SESN1: variants seen among roughly 807,000 people sequenced by gnomAD.
SESN1 encodes sestrin 1, also known as sestrin-1.
Under a neutral mutation model 59.3 loss-of-function variants are expected in SESN1, and 30 were observed. The ratio of observed to expected loss-of-function variants is 0.51; its 90% CI spans 0.38 to 0.69. The LOEUF (loss-of-function observed/expected upper bound fraction) is 0.69. SESN1 is among the 30% of genes least tolerant of loss of function. The pLI, the probability that SESN1 is intolerant of heterozygous loss-of-function variation, is 0.00. For missense variants in SESN1, 566 were observed against 673.0 expected (o/e 0.84, Z 1.76); for synonymous variants, 197 against 219.9 (o/e 0.90, Z 0.92).
intron 1 of SESN1, among the ~76,000 whole-genome samples, chr6:109,071,689 T>C (rs1462955968): frequency 6.6e-6 from 1 of 152,110 alleles, no homozygotes; most frequent in Non-Finnish European, 1.5e-5. Flanking sequence ...AAGACCAGCA[T>C]CATAAGAAAC....
At chr6:109,018,280 A>G (rs1260732) in intron 1 of SESN1, among the ~76,000 whole-genome samples, 152,081 of 152,344 alleles carry the variant, frequency 1, 75,910 homozygotes, top group Middle Eastern at 1. Context: ...ACAATTTGTT[A>G]CCAGTAATAA....
rs1779625706 is a variant in SESN1, at chr6:109,001,536, T to G, written c.346-48A>C. 3 of 1,532,138 alleles carry G rather than the reference T, an allele frequency of 2.0e-6. No homozygotes were observed. In the South Asian group the frequency reaches 3.4e-5, roughly 18 times the overall value. The allele number at this position is 1,532,138 out of a possible 1,614,324, so 94.9% of individuals were successfully genotyped here. A position where few individuals can be genotyped will look rare whatever the true frequency, so the allele number is the denominator to read the frequency against. On this transcript the variant is annotated intron_variant, in intron 2 of 9. Transcript: ENST00000436639. ...GGTTACTGAAATGGTAAATTGGTGT[T>G]AAGGGAAGAAAATATACATGCGCTA...
intron 1 of SESN1, among the ~76,000 whole-genome samples, chr6:109,089,710 C>G (rs535422559): frequency 1.3e-5 from 2 of 152,178 alleles, no homozygotes; most frequent in African/African-American, 4.8e-5. Flanking sequence ...AACTTTAGAG[C>G]CATGCTTAAT....
At chr6:109,089,240 G>GA (rs1217607076) in intron 1 of SESN1, among the ~76,000 whole-genome samples, 1 of 152,166 alleles carries the variant, frequency 6.6e-6, no homozygotes, top group Non-Finnish European at 1.5e-5. Context: ...ATGAATAACA[G>GA]AAAGCATTAT....
intron 1 of SESN1, among the ~76,000 whole-genome samples, chr6:109,074,021 G>A (rs1454714422): frequency 6.6e-6 from 1 of 152,104 alleles, no homozygotes; most frequent in Non-Finnish European, 1.5e-5. Flanking sequence ...ATATACTATG[G>A]TCATCCCATA....
intron 5 of SESN1, among the ~76,000 whole-genome samples, chr6:108,996,794 T>C (rs1779510024): frequency 6.6e-6 from 1 of 152,138 alleles, no homozygotes; most frequent in Non-Finnish European, 1.5e-5. Context: ...ACCAATGTGT[T>C]CTTCAGTAGC....
At chr6:109,051,601 C>T (rs766274098) in intron 1 of SESN1, among the ~76,000 whole-genome samples, 2 of 152,222 alleles carry the variant, frequency 1.3e-5, no homozygotes, top group East Asian at 1.9e-4. Context: ...AAATTGTGGT[C>T]ACTGGTTTTC....
chr6:109,005,451 C>T (rs1331099823), intron 1 of SESN1, among the ~76,000 whole-genome samples: 3 of 152,000 alleles, frequency 2.0e-5, no homozygotes, highest in Admixed American at 1.3e-4. Context: ...AAAAATGTGG[C>T]CAGATTGACA....
At chr6:109,071,845 C>G (rs1203550568) in intron 1 of SESN1, among the ~76,000 whole-genome samples, 1 of 152,160 alleles carries the variant, frequency 6.6e-6, no homozygotes, top group African/African-American at 2.4e-5. Context: ...CAATTTTTCT[C>G]TAAAGTTTAA....
In SESN1 at chr6:109,009,583, A is replaced by T; in HGVS notation, c.280-7240T>A. On this transcript the variant is annotated intron_variant, in intron 1 of 9. Transcript: ENST00000436639. ...GGGGGCGGGGCGGCGCCGACAAACA[A>T]GCCGCGCGGCCCCGCCCCGCGCCCG... The T allele has an allele frequency of 4.7e-6, 5 of 1,070,872 alleles. No individual in the cohort carries two copies. The South Asian group carries it at 1.8e-4, about 39-fold the overall frequency. The allele number at this position is 1,070,872 out of a possible 1,614,324, so 66.3% of individuals were successfully genotyped here. A position where few individuals can be genotyped will look rare whatever the true frequency, so the allele number is the denominator to read the frequency against.
Position 109,068,870 on chromosome 6 carries a change from A to G in SESN1, c.279+24925T>C, listed in dbSNP as rs181594501. Among the ~76,000 whole-genome samples the G allele has an allele frequency of 7.8e-3, 1,188 of 151,828 alleles. 20 individuals are homozygous for G. Among genetic ancestry groups the G allele is most frequent in the African/African-American group, 0.028 (1,138 of 41,380 alleles). Reference sequence around the variant, plus strand: ...CAAGTAGCTGGGATTACAGGCACCTACCACCATGCCTAGCTAATTTTTTGT... The same window carrying G: ...CAAGTAGCTGGGATTACAGGCACCTGCCACCATGCCTAGCTAATTTTTTGT... On this transcript the variant is annotated intron_variant, in intron 1 of 9. Coordinates refer to ENST00000436639, the MANE Select transcript of SESN1 (RefSeq NM_014454.3).
At chr6:109,011,161 G>C (rs1177118376) in intron 1 of SESN1, among the ~76,000 whole-genome samples, 1 of 152,166 alleles carries the variant, frequency 6.6e-6, no homozygotes, top group African/African-American at 2.4e-5. Context: ...TGAGAGGCAA[G>C]GGAAAAGCAT....
intron 1 of SESN1, among the ~76,000 whole-genome samples, chr6:109,032,475 AG>A: frequency 6.6e-6 from 1 of 151,162 alleles, no homozygotes; most frequent in South Asian, 2.1e-4. Context: ...AAAATTAGCC[AG>A]GTGTGATGGT....
intron 5 of SESN1, 87 bp from the exon 6 acceptor site, chr6:108,994,696 ATCTTTTT>A: frequency 1.6e-6 from 1 of 628,526 alleles, no homozygotes; most frequent in Non-Finnish European, 2.3e-6. Context: ...AAGAATTTAT[ATCTTTTT>A]TTTTTTTTTT....
chr6:109,002,218 G>T, intron 2 of SESN1, 60 bp downstream of exon 2: 1 of 1,440,374 alleles, frequency 6.9e-7, no homozygotes, highest in Non-Finnish European at 9.8e-7. Context: ...CAACATGTGG[G>T]TCATGAAAGC....
At chr6:108,997,947 A>G (rs1779534658) in intron 5 of SESN1, among the ~76,000 whole-genome samples, 1 of 152,226 alleles carries the variant, frequency 6.6e-6, no homozygotes, top group African/African-American at 2.4e-5. Flanking sequence ...AAAGCCAGGA[A>G]CAGAAGGAAT....
Position 109,037,265 on chromosome 6 carries a change from T to C in SESN1, c.280-34922A>G, listed in dbSNP as rs117312033. ...ATCAAAATCTTAGCTAAAATGTCCA[T>C]TAAGGTTATAAAAATTTTGTTTTTT... On this transcript the variant is annotated intron_variant, in intron 1 of 9. Coordinates refer to ENST00000436639, the MANE Select transcript of SESN1 (RefSeq NM_014454.3). 3.5e-3 allele frequency among the ~76,000 whole-genome samples: 533 copies of C among 152,336 alleles called. 4 individuals carry two copies. The highest frequency in any genetic ancestry group is 4.7e-3 in the Non-Finnish European group (318 of 68,018).
rs963112323 is a variant in SESN1, at chr6:108,984,962, G to T, written c.*2582C>A. Among the ~76,000 whole-genome samples, 1 of 152,214 alleles carries T rather than the reference G, an allele frequency of 6.6e-6. No homozygotes were observed. Among genetic ancestry groups the T allele is most frequent in the South Asian group, 2.1e-4 (1 of 4,824 alleles). ...CTGGCCCATATATTGTTAACTCAGC[G>T]TCTCTGGGAGAATGAGGACGTGGAG... On this transcript the variant is annotated 3_prime_UTR_variant, in exon 10 of 10. Coordinates refer to ENST00000436639, the MANE Select transcript of SESN1 (RefSeq NM_014454.3).
intron 1 of SESN1, among the ~76,000 whole-genome samples, chr6:109,080,555 A>G (rs1781104291): frequency 6.6e-6 from 1 of 152,212 alleles, no homozygotes; most frequent in Non-Finnish European, 1.5e-5. Context: ...TTAAATAAGA[A>G]CTTGATATGC....
Sources: allele counts gnomAD v4.1 joint callset (sites outside exome capture counted in the v4.1 genomes callset), GRCh38; gene constraint gnomAD v4.1.1; transcripts MANE v1.5; gene names NCBI Gene and HGNC (gene_info 2026-07-23, HGNC 2026-07-21).